The following TRAPPC8 variants were observed in gnomAD, a reference collection of about 807,000 sequenced individuals.
TRAPPC8 encodes the protein general sporulation gene 1 homolog.
TRAPPC8 carries 54 observed loss-of-function variants against 174.3 expected under a neutral mutation model. The observed-to-expected ratio is 0.31, with a 90% CI of 0.25 to 0.39. The LOEUF is 0.39. Among genes scored for constraint, TRAPPC8 ranks in the 10% least tolerant of loss-of-function variants. TRAPPC8 has a pLI of 1.00. For synonymous variants in TRAPPC8, 630 were observed against 579.9 expected, an observed-to-expected ratio of 1.09 and a Z score of -1.24; for missense variants, 1,531 against 1,699.1, an observed-to-expected ratio of 0.90 and a Z score of 1.74.
rs575267557 is a variant in TRAPPC8 at position 31,912,317 on chromosome 18, C to T, written c.771+1052G>A. The stretch of plus-strand genomic sequence containing the variant: ...ACCAGCCTGACCAATATGGTGAAAC[C>T]CTCTCTCTGCTAAAAATACAAAAAT... On this transcript the variant is annotated intron_variant, in intron 5 of 28. Transcript: ENST00000283351. Among the ~76,000 whole-genome samples the T allele has an allele frequency of 2.0e-5, 3 of 152,158 alleles. No homozygotes were observed. The South Asian group carries it at 6.2e-4, about 32-fold the overall frequency.
chr18:31,834,522 T>G lies in TRAPPC8; in HGVS notation c.3984-2349A>C, dbSNP rs74561139. Among the ~76,000 whole-genome samples the G allele has an allele frequency of 4.0e-3, 610 of 152,308 alleles. 4 individuals carry two copies. Among genetic ancestry groups the G allele is most frequent in the Non-Finnish European group, 7.0e-3 (474 of 68,034 alleles). ...GTTCTGACAACTATTCTCCCACCAC[T>G]GCATCCAGTGAAAAAGCTGGGCTCT... is the stretch of plus-strand genomic sequence containing the variant. On this transcript the variant is annotated intron_variant, in intron 27 of 28. Coordinates refer to ENST00000283351, the MANE Select transcript of TRAPPC8 (RefSeq NM_014939.5).
intron 11 of TRAPPC8, 91 bp from the exon 12 acceptor site, chr18:31,890,957 A>G: frequency 8.1e-7 from 1 of 1,231,832 alleles, no homozygotes; most frequent in South Asian, 1.6e-5. Context: ...TTCTTAATAT[A>G]TAGCATATCC....
At chr18:31,831,017 AG>A in intron 28 of TRAPPC8, 28 bp from the exon 29 acceptor site, 1 of 1,573,236 alleles carries the variant, frequency 6.4e-7, no homozygotes, top group South Asian at 1.2e-5. Context: ...TGTAAGTTGC[AG>A]GATTTTTTTC....
At chr18:31,880,102 T>A (rs1472088097) in intron 12 of TRAPPC8, among the ~76,000 whole-genome samples, 784 of 75,416 alleles carry the variant, frequency 0.01, 27 homozygotes, top group African/African-American at 0.041. Context: ...TATATATATA[T>A]ATATATATAT....
At chr18:31,858,270 T>C (rs916518226) in intron 19 of TRAPPC8, among the ~76,000 whole-genome samples, 1 of 152,162 alleles carries the variant, frequency 6.6e-6, no homozygotes, top group African/African-American at 2.4e-5. Flanking sequence ...ACTTGGTAGA[T>C]TATGGACCAG....
At position 31,855,702 on chromosome 18, in the gene TRAPPC8, T is replaced by G; in HGVS notation, c.3294A>C (p.Gly1098=). ...CATCCACAAAGACTAGCATATTGCC[T>G]CCTCTGCCTTCTTCATTTTCAAGAG... The part of the protein sequence containing the change: ...SNSLENEEGR[G]GNMLVFVDVE... Residue 1098 remains glycine (G), a synonymous_variant, in exon 21 of 29, where the codon GGA becomes GGC. Transcript: ENST00000283351. 1 of 1,608,932 alleles carries G rather than the reference T, an allele frequency of 6.2e-7. No individual in the cohort carries two copies. Among genetic ancestry groups the G allele is most frequent in the Non-Finnish European group, 8.5e-7 (1 of 1,178,926 alleles).
intron 26 of TRAPPC8, among the ~76,000 whole-genome samples, chr18:31,840,081 A>G (rs2033005163): frequency 6.6e-6 from 1 of 152,182 alleles, no homozygotes; most frequent in Admixed American, 6.5e-5. Flanking sequence ...AATAGAGGTC[A>G]GGCAGGGTGG....
chr18:31,844,363 T>C (rs983725502), intron 26 of TRAPPC8: 3 of 152,170 alleles, frequency 2.0e-5, no homozygotes, highest in African/African-American at 7.2e-5. Flanking sequence ...GATTTCTGAT[T>C]GGAAAGGAAC....
intron 1 of TRAPPC8, among the ~76,000 whole-genome samples, chr18:31,938,442 G>T (rs905082918): frequency 1.3e-5 from 2 of 151,928 alleles, no homozygotes; most frequent in African/African-American, 4.8e-5. Context: ...ATGGCTCTCC[G>T]TTGTGTAATA....
intron 13 of TRAPPC8, chr18:31,874,225 CTTTTT>C (rs913109085): frequency 5.0e-6 from 2 of 397,656 alleles, no homozygotes; most frequent in African/African-American, 2.2e-5. Context: ...CCTGTGGAAT[CTTTTT>C]TTTTTTTAAG....
intron 12 of TRAPPC8, among the ~76,000 whole-genome samples, chr18:31,882,727 C>A (rs1212837458): frequency 6.6e-6 from 1 of 151,862 alleles, no homozygotes; most frequent in African/African-American, 2.4e-5. Context: ...AGCGATTCTC[C>A]TGCCTCAGCC....
At chr18:31,886,346 A>G (rs532215273) in intron 12 of TRAPPC8, among the ~76,000 whole-genome samples, 16 of 73,624 alleles carry the variant, frequency 2.2e-4, no homozygotes, top group South Asian at 3.3e-4. Context: ...TTTCTTGAGG[A>G]AAAAAAAAAA....
intron 11 of TRAPPC8, 46 bp from the exon 12 acceptor site, chr18:31,890,912 A>G: frequency 6.5e-7 from 1 of 1,545,690 alleles, no homozygotes; most frequent in African/African-American, 1.4e-5. Flanking sequence ...ACCAAGTTAA[A>G]AGTAAATAGA....
At chr18:31,876,992 T>A (rs1198172105) in intron 12 of TRAPPC8, among the ~76,000 whole-genome samples, 1 of 152,202 alleles carries the variant, frequency 6.6e-6, no homozygotes. Flanking sequence ...TCACAACTGC[T>A]GTGACATTAG....
intron 22 of TRAPPC8, chr18:31,853,002 T>C: frequency 3.9e-6 from 1 of 254,246 alleles, no homozygotes; most frequent in Non-Finnish European, 7.6e-6. Flanking sequence ...CCTTTCAGTA[T>C]GTTTCATATG....
rs896627288 is a variant in TRAPPC8, at chr18:31,864,703, T to A, written c.2669A>T (p.Glu890Val). Residue 890 changes from glutamate to valine, a missense_variant, in exon 19 of 29, where the codon GAA (glutamate) becomes GTA (valine). Glu to Val is a moderately radical substitution (Grantham distance 121). Transcript: ENST00000283351. Reference protein sequence around the residue: ...IQGPRLNNTKEEKTSVKYGPD... With the variant: ...IQGPRLNNTKVEKTSVKYGPD... Reference sequence around the variant, plus strand: ...GCCATATTTAACAGATGTTTTCTCTTCTTTTGTGTTGTTAAGTCGAGGACC... The same window carrying A: ...GCCATATTTAACAGATGTTTTCTCTACTTTTGTGTTGTTAAGTCGAGGACC... The A allele has an allele frequency of 6.2e-7, 1 of 1,613,120 alleles. No individual in the cohort carries two copies. Among genetic ancestry groups the A allele is most frequent in the Admixed American group, 1.7e-5 (1 of 59,898 alleles).
intron 24 of TRAPPC8, among the ~76,000 whole-genome samples, chr18:31,850,490 TAAAC>T (rs1392813755): frequency 1.3e-5 from 2 of 152,200 alleles, no homozygotes; most frequent in African/African-American, 4.8e-5. Context: ...CTTTCAGGCT[TAAAC>T]AATGAAAGCA....
chr18:31,846,010 T>C (rs1180282584), intron 26 of TRAPPC8, among the ~76,000 whole-genome samples: 2 of 152,144 alleles, frequency 1.3e-5, no homozygotes, highest in African/African-American at 4.8e-5. Context: ...TTTTACATAT[T>C]ACAATATACC....
intron 12 of TRAPPC8, among the ~76,000 whole-genome samples, chr18:31,887,646 CAAAA>C (rs34562657): frequency 1.0e-5 from 1 of 98,352 alleles, no homozygotes. Context: ...AACTCCATCT[CAAAA>C]AAAAAAAAAA....
Sources: gnomAD v4.1 joint callset for allele counts (sites outside exome capture counted in the v4.1 genomes callset) on GRCh38, gnomAD v4.1.1 for gene constraint, MANE v1.5 for transcripts, NCBI Gene and HGNC (gene_info 2026-07-23, HGNC 2026-07-21) for gene names.